Variants in EYA1 observed in about 807,000 individuals in gnomAD.
EYA1 encodes protein phosphatase EYA1.
Under a neutral mutation model 82.0 loss-of-function variants are expected in EYA1, and 16 were observed. The ratio of observed to expected loss-of-function variants is 0.20; its 90% CI spans 0.13 to 0.30. The LOEUF is 0.30. Ranked by LOEUF, EYA1 falls within the 10% of genes least tolerant of loss-of-function variation. The pLI is 1.00. For synonymous variants in EYA1, 261 were observed against 264.4 expected, an observed-to-expected ratio of 0.99 and a Z score of 0.12; for missense variants, 633 against 730.7, an observed-to-expected ratio of 0.87 and a Z score of 1.54.
intron 2 of EYA1, among the ~76,000 whole-genome samples, chr8:71,502,050 T>A (rs1433557940): frequency 1.3e-5 from 2 of 152,200 alleles, no homozygotes; most frequent in Non-Finnish European, 2.9e-5. Flanking sequence ...CAGATATATG[T>A]ATATTAGGTG....
intron 2 of EYA1, among the ~76,000 whole-genome samples, chr8:71,456,170 G>C (rs577898018): frequency 6.6e-6 from 1 of 152,108 alleles, no homozygotes; most frequent in Non-Finnish European, 1.5e-5. Context: ...GCTTCAAAGA[G>C]AATCAAATAC....
chr8:71,263,270 T>A (rs1815362633), intron 11 of EYA1, among the ~76,000 whole-genome samples: 1 of 152,084 alleles, frequency 6.6e-6, no homozygotes. Context: ...TTACAAAGCC[T>A]CCCATTCACA....
intron 12 of EYA1, among the ~76,000 whole-genome samples, chr8:71,228,626 T>C (rs901494043): frequency 4.6e-5 from 7 of 152,336 alleles, no homozygotes; most frequent in African/African-American, 1.4e-4. Context: ...GTGTTATATA[T>C]TAAACTGTAG....
chr8:71,275,145 G>A (rs1305845899), intron 9 of EYA1, among the ~76,000 whole-genome samples: 3 of 152,136 alleles, frequency 2.0e-5, no homozygotes, highest in African/African-American at 4.8e-5. Context: ...ATGGGAGACC[G>A]GCCAGGAGGA....
intron 2 of EYA1, among the ~76,000 whole-genome samples, chr8:71,439,387 T>C (rs1393866049): frequency 6.6e-6 from 1 of 151,958 alleles, no homozygotes; most frequent in African/African-American, 2.4e-5. Context: ...GTAAAGGGGG[T>C]ATGGAAAGAA....
intron 12 of EYA1, among the ~76,000 whole-genome samples, chr8:71,237,853 T>A (rs1277514182): frequency 6.6e-6 from 1 of 152,172 alleles, no homozygotes; most frequent in Non-Finnish European, 1.5e-5. Context: ...ATTAAACAAA[T>A]ATTACAGCTC....
chr8:71,255,871 T>TA (rs34082091), intron 11 of EYA1, among the ~76,000 whole-genome samples: 6 of 151,476 alleles, frequency 4.0e-5, no homozygotes, highest in Non-Finnish European at 7.4e-5. Context: ...TATGACTCAA[T>TA]AAAAAAAACC....
At chr8:71,310,439 G>A (rs1821210884) in intron 7 of EYA1, among the ~76,000 whole-genome samples, 1 of 152,114 alleles carries the variant, frequency 6.6e-6, no homozygotes, top group Non-Finnish European at 1.5e-5. Context: ...ACAGGTCCCA[G>A]TGTGTGTTGT....
intron 3 of EYA1, chr8:71,334,419 A>T: frequency 1.9e-6 from 1 of 533,948 alleles, no homozygotes. Flanking sequence ...AAAAGTAATT[A>T]AATTCATCAT....
intron 12 of EYA1, among the ~76,000 whole-genome samples, chr8:71,228,405 A>T (rs1012098600): frequency 6.6e-6 from 1 of 152,046 alleles, no homozygotes; most frequent in Non-Finnish European, 1.5e-5. Flanking sequence ...GCCTGCCCCC[A>T]AATCATTGGG....
intron 3 of EYA1, among the ~76,000 whole-genome samples, chr8:71,349,142 T>C (rs117361656): frequency 0.025 from 3,805 of 152,316 alleles, 69 homozygotes; most frequent in Non-Finnish European, 0.041. Context: ...GTTAACCTAA[T>C]GATGCAATAC....
chr8:71,535,712 C>A (rs1376045200), intron 2 of EYA1: 19 of 1,475,668 alleles, frequency 1.3e-5, no homozygotes, highest in African/African-American at 9.8e-5. Context: ...AGTAATAATT[C>A]TTTCCTTAGG....
chr8:71,399,216 G>A lies in EYA1; in HGVS notation c.34-42705C>T, dbSNP rs549376764. On this transcript the variant is annotated intron_variant, in intron 2 of 18. Transcript: ENST00000643681. ...GTCACGGCTTCCCTTTGCTAGGAAA[G>A]GGAATTCCCTGACCCCTTGTGCTTC... 9.9e-5 allele frequency among the ~76,000 whole-genome samples: 15 copies of A among 152,268 alleles called. No homozygotes were observed. In the East Asian group the frequency reaches 2.9e-3, roughly 29 times the overall value.
At chr8:71,352,887 A>G (rs775447854) in intron 3 of EYA1, among the ~76,000 whole-genome samples, 2 of 152,068 alleles carry the variant, frequency 1.3e-5, no homozygotes, top group Admixed American at 6.6e-5. Context: ...CTAAACACAC[A>G]CTCTGTTTCA....
At chr8:71,285,179 G>A (rs1011188113) in intron 9 of EYA1, among the ~76,000 whole-genome samples, 2 of 152,160 alleles carry the variant, frequency 1.3e-5, no homozygotes, top group African/African-American at 4.8e-5. Context: ...CTTCAATTAG[G>A]GAACCAGGGG....
At chr8:71,340,157 T>C (rs959969204) in intron 3 of EYA1, among the ~76,000 whole-genome samples, 87 of 152,222 alleles carry the variant, frequency 5.7e-4, no homozygotes, top group African/African-American at 2.1e-3. Context: ...GGCTGTAGGG[T>C]CTTCAGCAGG....
intron 2 of EYA1, among the ~76,000 whole-genome samples, chr8:71,436,484 A>C (rs1280459185): frequency 6.6e-6 from 1 of 152,158 alleles, no homozygotes; most frequent in African/African-American, 2.4e-5. Context: ...ACAATAAAAG[A>C]AAGCATTCTG....
intron 3 of EYA1, among the ~76,000 whole-genome samples, chr8:71,350,934 G>T (rs901447667): frequency 3.3e-5 from 5 of 152,066 alleles, no homozygotes; most frequent in African/African-American, 1.2e-4. Flanking sequence ...TGAATCCTTC[G>T]AAAGAACCTT....
At chr8:71,233,417 AG>A (rs1811454110) in intron 12 of EYA1, among the ~76,000 whole-genome samples, 1 of 151,930 alleles carries the variant, frequency 6.6e-6, no homozygotes, top group Admixed American at 6.6e-5. Context: ...ACAAAAAATT[AG>A]TTGGGCGTGG....
Sources: allele counts gnomAD v4.1 joint callset (sites outside exome capture counted in the v4.1 genomes callset), GRCh38; gene constraint gnomAD v4.1.1; transcripts MANE v1.5; gene names NCBI Gene and HGNC (gene_info 2026-07-23, HGNC 2026-07-21).